The following SNRNP40 variants were observed in gnomAD, a reference collection of about 807,000 sequenced individuals.
The protein encoded by SNRNP40 is small nuclear ribonucleoprotein U5 subunit 40, also known as U5 small nuclear ribonucleoprotein 40 kDa protein.
Under a neutral mutation model 45.8 loss-of-function variants are expected in SNRNP40, and 21 were observed. The ratio of observed to expected loss-of-function variants is 0.46; its 90% confidence interval spans 0.32 to 0.66. The LOEUF (loss-of-function observed/expected upper bound fraction) is 0.66, where lower values mean the gene tolerates loss of function less well. SNRNP40 is among the 30% of genes least tolerant of loss of function. The probability of loss-of-function intolerance (pLI) is 0.03; values close to 1 mark genes in which losing one functional copy is unlikely to be tolerated. For missense variants in SNRNP40, 344 were observed against 439.1 expected (o/e 0.78, Z 1.94); for synonymous variants, 142 against 163.8 (o/e 0.87, Z 1.01).
intron 9 of SNRNP40, 64 bp from the exon 10 acceptor site, chr1:31,260,185 C>G (rs1569626507): frequency 1.7e-6 from 2 of 1,204,420 alleles, no homozygotes; most frequent in East Asian, 4.8e-5. Flanking sequence ...TGCTCAAGGG[C>G]TCTTGTGTCA....
At position 31,293,259 on chromosome 1, in the gene SNRNP40, G is replaced by A. The variant is rs1432639816; in HGVS notation, c.231C>T (p.Asn77=). ...ATCCTGCAGATGCTAAGGTGGATCCGTTGGGGTGGAACTTGCAGCAGTAGA... is the reference window on the plus strand; with the variant it reads ...ATCCTGCAGATGCTAAGGTGGATCCATTGGGGTGGAACTTGCAGCAGTAGA... ...GEVYCCKFHP[N]GSTLASAGFD... The change falls in exon 2 of 10, where the codon AAC becomes AAT. Residue 77 remains asparagine, a synonymous_variant. Transcript: ENST00000263694. 4.3e-6 allele frequency: 7 copies of A among 1,614,098 alleles called. No homozygotes were observed. Among genetic ancestry groups the A allele is most frequent in the East Asian group, 2.2e-5 (1 of 44,886 alleles).
intron 8 of SNRNP40, 91 bp downstream of exon 8, chr1:31,267,780 C>T: frequency 1.1e-6 from 1 of 932,412 alleles, no homozygotes. Flanking sequence ...GATCTGCCCG[C>T]CTCGGCCTCC....
intron 1 of SNRNP40, among the ~76,000 whole-genome samples, chr1:31,295,044 A>G (rs1367457652): frequency 1.3e-5 from 2 of 152,122 alleles, no homozygotes; most frequent in African/African-American, 4.8e-5. Context: ...GGAAGGGAGA[A>G]GGGAAGGTGA....
At chr1:31,295,331 T>C (rs1247386736) in intron 1 of SNRNP40, among the ~76,000 whole-genome samples, 3 of 134,390 alleles carry the variant, frequency 2.2e-5, no homozygotes, top group Non-Finnish European at 1.7e-5. Context: ...CACAGAGAGA[T>C]TGTCTAAAAA....
At chr1:31,285,558 T>A (rs1342571964) in intron 4 of SNRNP40, among the ~76,000 whole-genome samples, 1 of 152,156 alleles carries the variant, frequency 6.6e-6, no homozygotes, top group Non-Finnish European at 1.5e-5. Context: ...TCCTAAATAG[T>A]GTCTGTCCTA....
In SNRNP40 at chr1:31,289,780, G is replaced by A. The variant is rs541149050; in HGVS notation, c.366-361C>T. Among the ~76,000 whole-genome samples the A allele has an allele frequency of 2.6e-5, 4 of 152,300 alleles. No individual in the cohort carries two copies. In the East Asian group the frequency reaches 5.8e-4, roughly 22 times the overall value. On this transcript the variant is annotated intron_variant, in intron 3 of 9. Transcript: ENST00000263694. ...TTTAATAACTCCCTGGTGCTGCAGA[G>A]ATCAGACAGACTGTGGTACCGACCT...
At chr1:31,270,543 G>C (rs559459916) in intron 6 of SNRNP40, among the ~76,000 whole-genome samples, 1 of 152,294 alleles carries the variant, frequency 6.6e-6, no homozygotes, top group East Asian at 1.9e-4. Context: ...TGGAATTTCA[G>C]TGATGTCATT....
intron 8 of SNRNP40, among the ~76,000 whole-genome samples, chr1:31,262,859 A>G (rs1376497711): frequency 6.6e-6 from 1 of 151,988 alleles, no homozygotes; most frequent in Admixed American, 6.6e-5. Flanking sequence ...AAAATTAGCC[A>G]GGTGTAGTGG....
At chr1:31,267,588 T>C (rs1008662810) in intron 8 of SNRNP40, among the ~76,000 whole-genome samples, 3 of 152,164 alleles carry the variant, frequency 2.0e-5, no homozygotes, top group Admixed American at 6.5e-5. Flanking sequence ...GCTGGAGCAG[T>C]GCAACGGCGT....
intron 4 of SNRNP40, 120 bp from the exon 5 acceptor site, chr1:31,281,616 A>AT: frequency 1.2e-6 from 1 of 815,412 alleles, no homozygotes. Flanking sequence ...TTGGGATCCT[A>AT]TATCACTAAC....
intron 4 of SNRNP40, among the ~76,000 whole-genome samples, chr1:31,285,635 C>T (rs766653373): frequency 6.6e-6 from 1 of 152,130 alleles, no homozygotes; most frequent in Non-Finnish European, 1.5e-5. Flanking sequence ...ACACTATCAC[C>T]ATTTTATCCT....
At chr1:31,292,527 G>C (rs1369209819) in intron 2 of SNRNP40, among the ~76,000 whole-genome samples, 1 of 152,114 alleles carries the variant, frequency 6.6e-6, no homozygotes, top group Non-Finnish European at 1.5e-5. Flanking sequence ...AATCAAAATG[G>C]GCAGTGAAGA....
chr1:31,272,124 TA>T, intron 5 of SNRNP40, among the ~76,000 whole-genome samples: 1 of 152,320 alleles, frequency 6.6e-6, no homozygotes, highest in East Asian at 1.9e-4. Flanking sequence ...TCTTAGCCAT[TA>T]AAAATTATTA....
chr1:31,292,911 C>G (rs1160836233), intron 2 of SNRNP40: 2 of 332,752 alleles, frequency 6.0e-6, no homozygotes, highest in East Asian at 7.8e-5. Context: ...TGCCATTAAC[C>G]TGTTATGTCT....
At chr1:31,265,439 AG>A (rs1451041434) in intron 8 of SNRNP40, among the ~76,000 whole-genome samples, 1 of 152,202 alleles carries the variant, frequency 6.6e-6, no homozygotes, top group Admixed American at 6.5e-5. Context: ...TAAAGTTTAA[AG>A]GAACAGTGGA....
At chr1:31,280,317 T>C (rs560306543) in intron 5 of SNRNP40, among the ~76,000 whole-genome samples, 3 of 151,476 alleles carry the variant, frequency 2.0e-5, no homozygotes, top group East Asian at 4.0e-4. Context: ...CACACCACCA[T>C]CACATCCAGC....
At chr1:31,263,600 G>T in intron 8 of SNRNP40, 1 of 464,082 alleles carries the variant, frequency 2.2e-6, no homozygotes, top group South Asian at 1.6e-5. Flanking sequence ...CAAGTTGAGT[G>T]AACTGCTGAG....
At chr1:31,288,090 G>C (rs1222275133) in intron 4 of SNRNP40, among the ~76,000 whole-genome samples, 2 of 152,094 alleles carry the variant, frequency 1.3e-5, no homozygotes, top group Non-Finnish European at 2.9e-5. Context: ...TTGAACCCGG[G>C]AGGTGGAGGC....
At chr1:31,265,849 C>CAA (rs10629102) in intron 8 of SNRNP40, among the ~76,000 whole-genome samples, 83,978 of 151,792 alleles carry the variant, frequency 0.55, 23,918 homozygotes, top group Non-Finnish European at 0.63. Context: ...CAAAAACAAA[C>CAA]AAAAATTTAA....
Sources: gnomAD v4.1 joint callset for allele counts (sites outside exome capture counted in the v4.1 genomes callset) on GRCh38, gnomAD v4.1.1 for gene constraint, MANE v1.5 for transcripts, NCBI Gene and HGNC (gene_info 2026-07-23, HGNC 2026-07-21) for gene names.